Variants in DHRSX observed in about 807,000 individuals in gnomAD.
The protein encoded by DHRSX is dehydrogenase/reductase X-linked, also known as polyprenol dehydrogenase.
In DHRSX, 31 loss-of-function variants were observed where a neutral mutation model predicts 34.0. That is an observed-to-expected ratio of 0.91 (90% CI 0.69 to 1.23). The LOEUF is 1.23. Among genes scored for constraint, DHRSX ranks in the 50% most tolerant of loss-of-function variants. DHRSX has a pLI of 0.00. For missense variants in DHRSX, 414 were observed against 428.1 expected (o/e 0.97, Z 0.29); for synonymous variants, 201 against 183.8 (o/e 1.09, Z -0.76).
rs1270572530 is a variant in DHRSX, at chrX:2,324,166, C to T, written c.287-32563G>A. Among the ~76,000 whole-genome samples, 5 of 151,978 alleles carry T rather than the reference C, an allele frequency of 3.3e-5. No individual in the cohort carries two copies. The East Asian group carries it at 9.6e-4, about 29-fold the overall frequency. On this transcript the variant is annotated intron_variant, in intron 3 of 6. Coordinates refer to ENST00000334651, the MANE Select transcript of DHRSX (RefSeq NM_145177.3). ...TTTCTCACACATTTATCTGGTAGAC[C>T]AGATACCTGCATGTGATAGGGTAAG...
At chrX:2,287,162 G>C (rs189170542) in intron 4 of DHRSX, among the ~76,000 whole-genome samples, 2 of 152,334 alleles carry the variant, frequency 1.3e-5, no homozygotes, top group Admixed American at 6.5e-5. Flanking sequence ...GTGAAGGGCA[G>C]AGTAGGTAGG....
At chrX:2,330,305 G>A (rs1465099240) in intron 3 of DHRSX, among the ~76,000 whole-genome samples, 3 of 151,566 alleles carry the variant, frequency 2.0e-5, no homozygotes, top group East Asian at 3.9e-4. Flanking sequence ...GGTGGATCAC[G>A]AGGTCAGGAG....
chrX:2,316,378 C>A (rs949744681), intron 3 of DHRSX, among the ~76,000 whole-genome samples: 1 of 152,094 alleles, frequency 6.6e-6, no homozygotes, highest in African/African-American at 2.4e-5. Context: ...AGGGTGAAAC[C>A]CTGTCTCTAC....
At chrX:2,244,694 TA>T (rs1352515194) in intron 5 of DHRSX, among the ~76,000 whole-genome samples, 47 of 151,168 alleles carry the variant, frequency 3.1e-4, no homozygotes, top group South Asian at 1.7e-3. Flanking sequence ...TATATATATA[TA>T]TATTTTTAAA....
At chrX:2,265,259 C>G (rs2041435189) in intron 5 of DHRSX, among the ~76,000 whole-genome samples, 1 of 4,146 alleles carries the variant, frequency 2.4e-4, no homozygotes, top group African/African-American at 1.6e-3. Context: ...GCAGGGAGCA[C>G]TGTCCCCAGA....
intron 4 of DHRSX, among the ~76,000 whole-genome samples, chrX:2,270,584 G>GC (rs2041537376): frequency 6.6e-6 from 1 of 152,166 alleles, no homozygotes; most frequent in Non-Finnish European, 1.5e-5. Flanking sequence ...CACGTCCCTG[G>GC]CCCCAGTGGA....
chrX:2,326,140 G>C (rs1364154813), intron 3 of DHRSX, among the ~76,000 whole-genome samples: 1 of 152,188 alleles, frequency 6.6e-6, no homozygotes, highest in East Asian at 1.9e-4. Context: ...GCTTGTCTAG[G>C]AGTTCCTGCT....
chrX:2,231,815 T>C (rs868781798), intron 6 of DHRSX, among the ~76,000 whole-genome samples: 5 of 147,744 alleles, frequency 3.4e-5, no homozygotes, highest in Non-Finnish European at 7.4e-5. Context: ...CTCTCTCCCT[T>C]CCTCTTCCTT....
rs187710950 is a variant in DHRSX at position 2,378,257 on chromosome X, G to A, written c.286+30488C>T. Among the ~76,000 whole-genome samples, 573 of 152,334 alleles carry A rather than the reference G, an allele frequency of 3.8e-3. 2 individuals carry two copies. Among genetic ancestry groups the A allele is most frequent in the Non-Finnish European group, 6.7e-3 (454 of 68,038 alleles). On this transcript the variant is annotated intron_variant, in intron 3 of 6. Coordinates refer to ENST00000334651, the MANE Select transcript of DHRSX (RefSeq NM_145177.3). Reference sequence around the variant, plus strand: ...CTGTGGACTTCTGGTGTTCAGAGCTGTCAGAGATTTGACTTCTGTGGCTTT... The same window carrying A: ...CTGTGGACTTCTGGTGTTCAGAGCTATCAGAGATTTGACTTCTGTGGCTTT...
At chrX:2,457,831 G>A (rs1437585972) in intron 1 of DHRSX, among the ~76,000 whole-genome samples, 3 of 151,956 alleles carry the variant, frequency 2.0e-5, no homozygotes, top group Admixed American at 2.0e-4. Context: ...CTAAGCTTGT[G>A]GCTAAGGGAC....
intron 3 of DHRSX, among the ~76,000 whole-genome samples, chrX:2,291,888 A>ATTT (rs2041870137): frequency 1.1e-5 from 1 of 89,278 alleles, no homozygotes; most frequent in African/African-American, 4.6e-5. Context: ...TAATTTTTGT[A>ATTT]TTTTTGTATT....
intron 3 of DHRSX, among the ~76,000 whole-genome samples, chrX:2,358,954 A>G (rs1378551846): frequency 8.2e-6 from 1 of 121,348 alleles, no homozygotes; most frequent in Non-Finnish European, 1.8e-5. Context: ...GTCTCGGAAA[A>G]AAAAAAAAAA....
At position 2,232,805 on chromosome X, in the gene DHRSX, C is replaced by T. The variant is rs1225013250; in HGVS notation, c.804+10218G>A. On this transcript the variant is annotated intron_variant, in intron 6 of 6. Coordinates refer to ENST00000334651, the MANE Select transcript of DHRSX (RefSeq NM_145177.3). ...GCCAGGCTGGTCTCGAACTCCTGAC[C>T]TCATGATTCGCCCATGTCAGCCTCC... Among the ~76,000 whole-genome samples the T allele has an allele frequency of 3.3e-5, 5 of 152,012 alleles. No homozygotes were observed. The East Asian group carries it at 9.6e-4, about 29-fold the overall frequency.
intron 3 of DHRSX, among the ~76,000 whole-genome samples, chrX:2,345,743 T>C (rs2042700335): frequency 6.6e-6 from 1 of 151,656 alleles, no homozygotes; most frequent in Non-Finnish European, 1.5e-5. Context: ...TCCAATCAGT[T>C]GAAGGTCTGA....
chrX:2,411,326 G>A (rs753351253), intron 2 of DHRSX, among the ~76,000 whole-genome samples: 60 of 152,048 alleles, frequency 3.9e-4, no homozygotes, highest in Non-Finnish European at 7.2e-4. Flanking sequence ...CGAGGCAAGC[G>A]GATCACGAGG....
At chrX:2,298,329 T>G (rs1021263707) in intron 3 of DHRSX, among the ~76,000 whole-genome samples, 20 of 150,914 alleles carry the variant, frequency 1.3e-4, no homozygotes, top group Non-Finnish European at 2.4e-4. Context: ...TTTTTTTTTT[T>G]TTGTTAGTTC....
At chrX:2,320,615 G>A (rs1183713741) in intron 3 of DHRSX, among the ~76,000 whole-genome samples, 1 of 92,606 alleles carries the variant, frequency 1.1e-5, no homozygotes, top group Non-Finnish European at 2.3e-5. Flanking sequence ...TGTTTTGATT[G>A]GATTTGTTTG....
chrX:2,230,034 TG>T lies in DHRSX; in HGVS notation c.805-8806del, dbSNP rs1367627684. On this transcript the variant is annotated intron_variant, in intron 6 of 6. Coordinates refer to ENST00000334651, the MANE Select transcript of DHRSX (RefSeq NM_145177.3). ...GTGCACACATGCATGTGGGCACAGA[TG>T]TGTGGATATACGCATGTCTGTGTGC... Among the ~76,000 whole-genome samples the T allele has an allele frequency of 2.6e-5, 4 of 152,284 alleles. No individual in the cohort carries two copies. In the East Asian group the frequency reaches 7.7e-4, roughly 29 times the overall value.
At chrX:2,368,064 A>G (rs1319609687) in intron 3 of DHRSX, among the ~76,000 whole-genome samples, 48 of 151,788 alleles carry the variant, frequency 3.2e-4, no homozygotes, top group Admixed American at 3.1e-3. Flanking sequence ...CCAACATGTC[A>G]AAACCCCATC....
Sources: allele counts gnomAD v4.1 joint callset (sites outside exome capture counted in the v4.1 genomes callset), GRCh38; gene constraint gnomAD v4.1.1; transcripts MANE v1.5; gene names NCBI Gene and HGNC (gene_info 2026-07-23, HGNC 2026-07-21).